DPP4: variants seen among roughly 807,000 people sequenced by gnomAD.
DPP4 encodes dipeptidyl peptidase 4.
In DPP4, 93 loss-of-function variants were observed where a neutral mutation model predicts 122.4. That is an observed-to-expected ratio of 0.76 (90% CI 0.64 to 0.90). The LOEUF (loss-of-function observed/expected upper bound fraction) is 0.90. Among genes scored for constraint, DPP4 ranks in the 40% least tolerant of loss-of-function variants. The pLI, the probability that DPP4 is intolerant of heterozygous loss-of-function variation, is 0.00. For synonymous variants in DPP4, 321 were observed against 302.9 expected (o/e 1.06, Z -0.62); for missense variants, 914 against 907.3 (o/e 1.01, Z -0.09).
At chr2:162,041,272 C>T (rs1683977505) in intron 5 of DPP4, among the ~76,000 whole-genome samples, 1 of 152,164 alleles carries the variant, frequency 6.6e-6, no homozygotes, top group Admixed American at 6.5e-5. Context: ...GTCTATACGT[C>T]TGCCTTCTTT....
At position 162,049,817 on chromosome 2, in the gene DPP4, G is replaced by A. The variant is rs1386269096; in HGVS notation, c.95-2316C>T. 2.6e-5 allele frequency among the ~76,000 whole-genome samples: 4 copies of A among 152,212 alleles called. No homozygotes were observed. In the East Asian group the frequency reaches 5.8e-4, roughly 22 times the overall value. On this transcript the variant is annotated intron_variant, in intron 2 of 25. Coordinates refer to ENST00000360534, the MANE Select transcript of DPP4 (RefSeq NM_001935.4). ...TTTCTTCAGATCTTATCTGATAATA[G>A]CCTTGTACCTGCCTAAAACAACTTT...
In DPP4 at chr2:162,026,995, T is replaced by G. The variant is rs1225044605; in HGVS notation, c.888-2056A>C. Among the ~76,000 whole-genome samples the G allele has an allele frequency of 2.0e-5, 3 of 152,188 alleles. 1 individual carries two copies. Among genetic ancestry groups the G allele is most frequent in the African/African-American group, 7.2e-5 (3 of 41,464 alleles). The stretch of plus-strand genomic sequence containing the variant: ...CACAAATGTAGCCAGAGACCATAAT[T>G]AAATGAATGAGTTCATTTAATATTC... On this transcript the variant is annotated intron_variant, in intron 10 of 25. Coordinates refer to ENST00000360534, the MANE Select transcript of DPP4 (RefSeq NM_001935.4).
chr2:162,041,842 AAC>A (rs958656662), intron 5 of DPP4, among the ~76,000 whole-genome samples: 8 of 152,194 alleles, frequency 5.3e-5, no homozygotes, highest in Admixed American at 4.6e-4. Context: ...ATTACTGGAT[AAC>A]ACAGAGTCCC....
At chr2:162,053,175 G>A (rs1010635540) in intron 2 of DPP4, among the ~76,000 whole-genome samples, 2 of 152,178 alleles carry the variant, frequency 1.3e-5, no homozygotes, top group African/African-American at 4.8e-5. Flanking sequence ...GAAAACCCAG[G>A]GTGTGGCCAA....
chr2:162,025,025 G>A (rs1683273243), intron 10 of DPP4, 86 bp from the exon 11 acceptor site: 24 of 1,436,800 alleles, frequency 1.7e-5, no homozygotes, highest in Non-Finnish European at 2.2e-5. Context: ...ATTTTACTCA[G>A]TGAAAAGAAA....
At chr2:162,025,759 A>T (rs1025716333) in intron 10 of DPP4, among the ~76,000 whole-genome samples, 2 of 152,178 alleles carry the variant, frequency 1.3e-5, no homozygotes, top group Non-Finnish European at 2.9e-5. Flanking sequence ...TACTATTCAC[A>T]AATCCCTGCT....
intron 2 of DPP4, among the ~76,000 whole-genome samples, chr2:162,067,552 T>C (rs1300513082): frequency 1.3e-5 from 2 of 152,184 alleles, no homozygotes; most frequent in Non-Finnish European, 2.9e-5. Context: ...AATTAAGAAA[T>C]GTGCACATTA....
Position 162,045,607 on chromosome 2 carries a change from C to T in DPP4, c.291G>A (p.Glu97=). Residue 97 remains glutamate, a synonymous_variant, in exon 5 of 26, where the codon GAG becomes GAA. Coordinates refer to ENST00000360534, the MANE Select transcript of DPP4 (RefSeq NM_001935.4). ...SVFLENSTFD[E]FGHSINDYSI... ...AATAATCATTGATAGAATGTCCAAA[C>T]TCATCCTGTCAAACAAGAAGAACAA... is the stretch of plus-strand genomic sequence containing the variant. 6.2e-7 allele frequency: 1 copy of T among 1,610,822 alleles called. No individual in the cohort carries two copies. The highest frequency in any genetic ancestry group is 8.5e-7 in the Non-Finnish European group (1 of 1,177,460).
Position 162,074,117 on chromosome 2 carries a change from T to G in DPP4, c.-136A>C, listed in dbSNP as rs1685226272. On this transcript the variant is annotated 5_prime_UTR_variant, in exon 1 of 26. Coordinates refer to ENST00000360534, the MANE Select transcript of DPP4 (RefSeq NM_001935.4). ...GCCGCTGGCAAGTTTCGGCCCCGAG[T>G]TAAACATTAGTGAGCGCCGAGCCCG... is the stretch of plus-strand genomic sequence containing the variant. 2 of 1,456,232 alleles carry G rather than the reference T, an allele frequency of 1.4e-6. No individual in the cohort carries two copies. The highest frequency in any genetic ancestry group is 2.9e-5 in the South Asian group (2 of 69,402). 90.2% of individuals were successfully genotyped at this position (1,456,232 alleles called of 1,614,324 possible).
chr2:162,048,113 C>T (rs1432766453), intron 2 of DPP4, among the ~76,000 whole-genome samples: 1 of 152,162 alleles, frequency 6.6e-6, no homozygotes, highest in Non-Finnish European at 1.5e-5. Context: ...TTCAGGCCCT[C>T]CTGCTTCTCA....
intron 2 of DPP4, among the ~76,000 whole-genome samples, chr2:162,072,602 G>A (rs1209633898): frequency 6.6e-6 from 1 of 152,200 alleles, no homozygotes; most frequent in Non-Finnish European, 1.5e-5. Context: ...TTTATAGTGT[G>A]TAATGCTGAA....
Position 162,039,165 on chromosome 2 carries a change from G to A in DPP4, c.386C>T (p.Thr129Ile). ...NYVKQWRHSYTASYDIYDLNK... is the reference protein window; with the variant it reads ...NYVKQWRHSYIASYDIYDLNK... ...TAAATCATAAATGTCATATGAAGCTGTGTAGGAATGCCTCCATTGCTATGA... is the reference window on the plus strand; with the variant it reads ...TAAATCATAAATGTCATATGAAGCTATGTAGGAATGCCTCCATTGCTATGA... The change falls in exon 6 of 26, where the codon ACA (threonine) becomes ATA (isoleucine). Residue 129 changes from threonine to isoleucine, a missense_variant. Physicochemically the swap from Thr to Ile is moderately conservative, Grantham distance 89. Transcript: ENST00000360534. The A allele has an allele frequency of 6.2e-7, 1 of 1,612,792 alleles. No homozygotes were observed. Among genetic ancestry groups the A allele is most frequent in the Non-Finnish European group, 8.5e-7 (1 of 1,179,352 alleles).
chr2:162,005,865 T>G (rs1701272298), intron 22 of DPP4, 56 bp from the exon 23 acceptor site: 1 of 1,416,200 alleles, frequency 7.1e-7, no homozygotes, highest in East Asian at 2.4e-5. Flanking sequence ...CAACTTTTCT[T>G]GCTTTTAATG....
chr2:162,017,228 A>G (rs1380226576), intron 16 of DPP4, 73 bp from the exon 17 acceptor site: 2 of 1,294,264 alleles, frequency 1.5e-6, no homozygotes, highest in Admixed American at 4.1e-5. Flanking sequence ...TGACTTTTCA[A>G]AAATACCATT....
chr2:161,993,453 A>G (rs949092368), intron 25 of DPP4, 69 bp from the exon 26 acceptor site: 15 of 1,076,900 alleles, frequency 1.4e-5, no homozygotes, highest in Non-Finnish European at 2.0e-5. Context: ...AAATACGTAA[A>G]TTCAAATGAG....
chr2:162,053,181 G>C (rs1684443209), intron 2 of DPP4, among the ~76,000 whole-genome samples: 1 of 152,210 alleles, frequency 6.6e-6, no homozygotes, highest in Non-Finnish European at 1.5e-5. Context: ...CCAGGGTGTG[G>C]CCAAGCAATG....
intron 2 of DPP4, among the ~76,000 whole-genome samples, chr2:162,063,964 A>C (rs1339158668): frequency 1.3e-5 from 2 of 152,150 alleles, no homozygotes; most frequent in African/African-American, 4.8e-5. Context: ...GGCAAAAGGG[A>C]TGGGACCCAG....
chr2:162,074,026 G>A lies in DPP4; in HGVS notation c.-45C>T. On this transcript the variant is annotated 5_prime_UTR_variant, in exon 1 of 26. Coordinates refer to ENST00000360534, the MANE Select transcript of DPP4 (RefSeq NM_001935.4). ...GTGAGCGTTCAGAGAAGGAGCGCAG[G>A]CAGAAGTCACCGCGGGCGGCGGAGA... is the stretch of plus-strand genomic sequence containing the variant. 1 of 1,604,284 alleles carries A rather than the reference G, an allele frequency of 6.2e-7. No homozygotes were observed. The highest frequency in any genetic ancestry group is 1.1e-5 in the South Asian group (1 of 89,284).
At chr2:162,044,968 T>C (rs890941602) in intron 5 of DPP4, among the ~76,000 whole-genome samples, 1 of 149,992 alleles carries the variant, frequency 6.7e-6, no homozygotes, top group Non-Finnish European at 1.5e-5. Context: ...TTCTTTCTTT[T>C]TTTTTTTTTT....
Sources: allele counts gnomAD v4.1 joint callset (sites outside exome capture counted in the v4.1 genomes callset), GRCh38; gene constraint gnomAD v4.1.1; transcripts MANE v1.5; gene names NCBI Gene and HGNC (gene_info 2026-07-23, HGNC 2026-07-21).